Variants in SH3BP4 observed in about 807,000 individuals in gnomAD.
SH3BP4 encodes SH3 domain binding protein 4.
Under a neutral mutation model 65.5 loss-of-function variants are expected in SH3BP4, and 33 were observed. That is an observed-to-expected ratio of 0.50 (90% CI 0.38 to 0.67). The LOEUF is 0.67. SH3BP4 is among the 30% of genes least tolerant of loss of function. The probability of loss-of-function intolerance (pLI) is 0.00; values close to 1 mark genes in which losing one functional copy is unlikely to be tolerated. For synonymous variants in SH3BP4, 552 were observed against 545.5 expected, an observed-to-expected ratio of 1.01 and a Z score of -0.17; for missense variants, 1,134 against 1,261.4, an observed-to-expected ratio of 0.90 and a Z score of 1.53.
Position 235,034,952 on chromosome 2 carries a change from G to T in SH3BP4, c.-51G>T. 1.3e-6 allele frequency: 2 copies of T among 1,490,614 alleles called. No individual in the cohort carries two copies. Among genetic ancestry groups the T allele is most frequent in the Non-Finnish European group, 9.3e-7 (1 of 1,070,946 alleles). 92.3% of individuals were successfully genotyped at this position (1,490,614 alleles called of 1,614,324 possible). On this transcript the variant is annotated 5_prime_UTR_variant, in exon 3 of 6. Transcript: ENST00000392011. The surrounding 1 kb of genome is among the most constrained non-coding windows in gnomAD (Gnocchi z 6.2). ...GCTTCAGCATCTGCTGGGATAACTG[G>T]AGGAAGAAATATGAAGCCTTAGCGG...
At chr2:234,981,433 G>A (rs1693379839) in intron 1 of SH3BP4, among the ~76,000 whole-genome samples, 1 of 152,172 alleles carries the variant, frequency 6.6e-6, no homozygotes, top group African/African-American at 2.4e-5. Context: ...GGGACCTGGA[G>A]CTCGGGGACC....
intron 1 of SH3BP4, among the ~76,000 whole-genome samples, chr2:234,982,544 G>A (rs1693419729): frequency 6.6e-6 from 1 of 152,240 alleles, no homozygotes; most frequent in Non-Finnish European, 1.5e-5. Context: ...CACGCACAGG[G>A]AGGAAGTGCT....
intron 2 of SH3BP4, among the ~76,000 whole-genome samples, chr2:235,022,921 G>T (rs1434687552): frequency 6.6e-6 from 1 of 152,324 alleles, no homozygotes; most frequent in African/African-American, 2.4e-5. Flanking sequence ...GGCCTGATGG[G>T]TCTGGTTGGG....
At position 235,034,923 on chromosome 2, in the gene SH3BP4, A is replaced by G; in HGVS notation, c.-80A>G. The G allele has an allele frequency of 8.3e-7, 1 of 1,205,908 alleles. No homozygotes were observed. The highest frequency in any genetic ancestry group is 1.2e-5 in the South Asian group (1 of 81,790). 74.7% of individuals were successfully genotyped at this position (1,205,908 alleles called of 1,614,324 possible). Reference sequence around the variant, plus strand: ...GCCGCGCAGCGTGTTTGCTTGAGGCAGAAGCTTCAGCATCTGCTGGGATAA... The same window carrying G: ...GCCGCGCAGCGTGTTTGCTTGAGGCGGAAGCTTCAGCATCTGCTGGGATAA... On this transcript the variant is annotated 5_prime_UTR_variant, in exon 3 of 6. Transcript: ENST00000392011. The surrounding 1 kb of genome is among the most constrained non-coding windows in gnomAD (Gnocchi z 6.2).
chr2:234,972,476 G>A (rs765786422), intron 1 of SH3BP4, among the ~76,000 whole-genome samples: 3 of 152,004 alleles, frequency 2.0e-5, no homozygotes, highest in Non-Finnish European at 4.4e-5. Flanking sequence ...AGATGGAGGA[G>A]GGAGGAGGGA....
chr2:234,962,048 G>C (rs950523070), intron 1 of SH3BP4, among the ~76,000 whole-genome samples: 1 of 152,162 alleles, frequency 6.6e-6, no homozygotes, highest in Non-Finnish European at 1.5e-5. Context: ...TTCTTGGGTG[G>C]GGTGGGGAGG....
At chr2:235,012,306 G>A (rs1001871048) in intron 2 of SH3BP4, among the ~76,000 whole-genome samples, 13 of 152,188 alleles carry the variant, frequency 8.5e-5, no homozygotes, top group African/African-American at 2.7e-4. Flanking sequence ...GTGACCCAGC[G>A]TCTTCACCCC....
chr2:235,031,782 G>A (rs968263752), intron 2 of SH3BP4, among the ~76,000 whole-genome samples: 1 of 152,206 alleles, frequency 6.6e-6, no homozygotes, highest in Non-Finnish European at 1.5e-5. Flanking sequence ...GTGGCCAGTC[G>A]TGCTCTCCAG....
rs571109793 is a variant in SH3BP4, at chr2:234,997,614, C to T, written c.-133+2238C>T. Among the ~76,000 whole-genome samples the T allele has an allele frequency of 3.3e-5, 5 of 152,268 alleles. No homozygotes were observed. In the East Asian group the frequency reaches 5.8e-4, roughly 18 times the overall value. On this transcript the variant is annotated intron_variant, in intron 2 of 5. Coordinates refer to ENST00000392011, the MANE Select transcript of SH3BP4 (RefSeq NM_014521.3). This position sits in a 1 kb window ranked among gnomAD's most constrained non-coding sequence, Gnocchi z 4.2. Reference sequence around the variant, plus strand: ...TAGGGGACGGAGCCGGTGCGGAGATCGAGGCCCCACAAGGCCTGCCCCTGT... The same window carrying T: ...TAGGGGACGGAGCCGGTGCGGAGATTGAGGCCCCACAAGGCCTGCCCCTGT...
At chr2:234,988,968 C>CTGAGA (rs1693669764) in intron 1 of SH3BP4, among the ~76,000 whole-genome samples, 1 of 152,174 alleles carries the variant, frequency 6.6e-6, no homozygotes, top group Non-Finnish European at 1.5e-5. Context: ...ATTTCAGGCC[C>CTGAGA]TCTCACTTGG....
intron 1 of SH3BP4, among the ~76,000 whole-genome samples, chr2:234,992,986 C>T (rs1336723522): frequency 6.6e-6 from 1 of 151,504 alleles, no homozygotes; most frequent in Non-Finnish European, 1.5e-5. Flanking sequence ...TGTGTTCCTG[C>T]CATGTGGGCT....
chr2:235,030,761 C>G lies in SH3BP4; in HGVS notation c.-132-4110C>G, dbSNP rs1014936918. 6.6e-6 allele frequency among the ~76,000 whole-genome samples: 1 copy of G among 152,138 alleles called. No homozygotes were observed. Among genetic ancestry groups the G allele is most frequent in the Non-Finnish European group, 1.5e-5 (1 of 68,022 alleles). On this transcript the variant is annotated intron_variant, in intron 2 of 5. Coordinates refer to ENST00000392011, the MANE Select transcript of SH3BP4 (RefSeq NM_014521.3). This position sits in a 1 kb window ranked among gnomAD's most constrained non-coding sequence, Gnocchi z 4.1. ...CTGCATTCTCCATCCCGTGCCAGCC[C>G]CCTGTAGATGCAGTGGTGTCTGGAG...
At chr2:235,004,880 T>G (rs1347573780) in intron 2 of SH3BP4, among the ~76,000 whole-genome samples, 1 of 152,252 alleles carries the variant, frequency 6.6e-6, no homozygotes, top group African/African-American at 2.4e-5. Context: ...CTGTCTTCTC[T>G]CATTTCCAAG....
chr2:234,969,559 AAC>A (rs1011381630), intron 1 of SH3BP4, among the ~76,000 whole-genome samples: 47 of 152,006 alleles, frequency 3.1e-4, no homozygotes, highest in African/African-American at 1.1e-3. Context: ...AAGGACTGAA[AAC>A]ACAGATCTGA....
At chr2:234,957,610 C>G (rs1184158099) in intron 1 of SH3BP4, among the ~76,000 whole-genome samples, 2 of 151,774 alleles carry the variant, frequency 1.3e-5, no homozygotes, top group East Asian at 3.9e-4. Context: ...ATTTTAAAAT[C>G]ACCCGGGAGC....
At chr2:235,006,846 GCAGGACCTCCGTGA>G (rs1694311916) in intron 2 of SH3BP4, among the ~76,000 whole-genome samples, 1 of 152,120 alleles carries the variant, frequency 6.6e-6, no homozygotes, top group Non-Finnish European at 1.5e-5. Flanking sequence ...GGGGACTAGG[GCAGGACCTCCGTGA>G]CAGCAGCAAC....
At chr2:234,971,004 C>G (rs1181475346) in intron 1 of SH3BP4, among the ~76,000 whole-genome samples, 2 of 152,148 alleles carry the variant, frequency 1.3e-5, no homozygotes, top group Non-Finnish European at 2.9e-5. Context: ...GGCCTTCCCC[C>G]ACTGCCTTTA....
chr2:235,043,995 C>A (rs937958433), intron 4 of SH3BP4, among the ~76,000 whole-genome samples: 2 of 152,244 alleles, frequency 1.3e-5, no homozygotes, highest in African/African-American at 4.8e-5. Flanking sequence ...GGGCAGAAGG[C>A]GGCCTGTGCT....
intron 2 of SH3BP4, among the ~76,000 whole-genome samples, chr2:235,031,257 G>C (rs752225027): frequency 2.3e-4 from 35 of 152,138 alleles, no homozygotes; most frequent in Non-Finnish European, 5.0e-4. Flanking sequence ...ATGGGGAGAG[G>C]ACTGCAGATC....
Sources: allele counts gnomAD v4.1 joint callset (sites outside exome capture counted in the v4.1 genomes callset), GRCh38; gene constraint gnomAD v4.1.1; non-coding constraint Gnocchi (gnomAD v3.1); transcripts MANE v1.5; gene names NCBI Gene and HGNC (gene_info 2026-07-23, HGNC 2026-07-21).